BRWD1: variants seen among roughly 807,000 people sequenced by gnomAD.
BRWD1 encodes bromodomain and WD repeat-containing protein 1.
BRWD1 carries 82 observed loss-of-function variants against 251.2 expected under a neutral mutation model. That is an observed-to-expected ratio of 0.33 (90% CI 0.27 to 0.39). The LOEUF (loss-of-function observed/expected upper bound fraction) is 0.39, where lower values mean the gene tolerates loss of function less well. BRWD1 is among the 10% of genes least tolerant of loss of function. The probability of loss-of-function intolerance (pLI) is 1.00; values close to 1 mark genes in which losing one functional copy is unlikely to be tolerated. For missense variants in BRWD1, 2,233 were observed against 2,711.6 expected (o/e 0.82, Z 3.92); for synonymous variants, 918 against 902.8 (o/e 1.02, Z -0.30).
intron 12 of BRWD1, among the ~76,000 whole-genome samples, chr21:39,275,823 G>A (rs1011600131): frequency 1.3e-5 from 2 of 151,938 alleles, no homozygotes; most frequent in Admixed American, 1.3e-4. Context: ...ACCTGAAGTC[G>A]GGAGTTCGAG....
rs562199311 is a variant in BRWD1, at chr21:39,202,232, A to C, written c.4585+93T>G. On this transcript the variant is annotated intron_variant, in intron 38 of 40. Transcript: ENST00000342449. ...TGTAAGTTCTTTCAGTGTCAAGGCC[A>C]CATCTTTATATTTTCCTCTAAATCT... The C allele has an allele frequency of 2.1e-4, 186 of 865,808 alleles. No individual in the cohort carries two copies. In the African/African-American group the frequency reaches 3.0e-3, roughly 14 times the overall value. 53.6% of individuals were successfully genotyped at this position (865,808 alleles called of 1,614,324 possible). A position where few individuals can be genotyped will look rare whatever the true frequency, so the allele number is the denominator to read the frequency against.
upstream of BRWD1, chr21:39,314,082 C>G (rs1020972987): frequency 6.6e-6 from 3 of 455,938 alleles, no homozygotes; most frequent in African/African-American, 6.0e-5. Context: ...TCGGAAGGGT[C>G]ATTTCACGGA....
At chr21:39,289,508 T>C (rs1233288210) in intron 8 of BRWD1, among the ~76,000 whole-genome samples, 2 of 152,184 alleles carry the variant, frequency 1.3e-5, no homozygotes, top group African/African-American at 4.8e-5. Context: ...CATCTCCAAG[T>C]TTCCACCTGG....
In BRWD1 at chr21:39,189,776, A is replaced by G; in HGVS notation, c.*6483T>C. 1.0e-6 allele frequency: 1 copy of G among 984,286 alleles called. No homozygotes were observed. The allele number at this position is 984,286 out of a possible 1,614,324, so 61.0% of individuals were successfully genotyped here. On this transcript the variant is annotated 3_prime_UTR_variant, in exon 41 of 41. Coordinates refer to ENST00000342449, the MANE Select transcript of BRWD1 (RefSeq NM_033656.4). ...TCTCAAGAAAACTACAAACAGTTTT[A>G]GAAATATATATAGGATATTTCAGGG...
chr21:39,302,638 T>C (rs1442047009), intron 4 of BRWD1, among the ~76,000 whole-genome samples: 2 of 151,418 alleles, frequency 1.3e-5, no homozygotes, highest in African/African-American at 4.9e-5. Flanking sequence ...ATGCTTGTAA[T>C]CCCAGCTACT....
At chr21:39,214,753 G>A (rs966682679) in intron 32 of BRWD1, among the ~76,000 whole-genome samples, 1 of 151,502 alleles carries the variant, frequency 6.6e-6, no homozygotes, top group Non-Finnish European at 1.5e-5. Flanking sequence ...TTAAAAAGTT[G>A]AAAAACTGAA....
upstream of BRWD1, chr21:39,314,468 C>T (rs529420134): frequency 1.8e-4 from 68 of 383,238 alleles, 1 homozygote; most frequent in Middle Eastern, 1.1e-3. Context: ...GGGCCGCAGA[C>T]CCTCCTTAGG....
intron 19 of BRWD1, among the ~76,000 whole-genome samples, chr21:39,251,985 G>A (rs374408517): frequency 6.6e-6 from 1 of 152,100 alleles, no homozygotes; most frequent in Non-Finnish European, 1.5e-5. Context: ...ATTTTTATAC[G>A]GCCGGGCGCA....
At chr21:39,206,463 C>CCT (rs577157561) in intron 36 of BRWD1, among the ~76,000 whole-genome samples, 189 bp from the exon 37 acceptor site, 158 of 152,314 alleles carry the variant, frequency 1.0e-3, no homozygotes, top group African/African-American at 3.4e-3. Flanking sequence ...CAAATACATA[C>CCT]CTCTCAGATG....
rs574833823 is a variant in BRWD1 at position 39,279,410 on chromosome 21, G to A, written c.933-597C>T. Among the ~76,000 whole-genome samples the A allele has an allele frequency of 1.5e-3, 234 of 152,164 alleles. 2 individuals are homozygous for A. Among genetic ancestry groups the A allele is most frequent in the Middle Eastern group, 3.4e-3 (1 of 294 alleles). On this transcript the variant is annotated intron_variant, in intron 9 of 40. Transcript: ENST00000342449. ...TCCCAGTACTTTGGGAGGCCAAGGC[G>A]GGTGGATCACCTGAGATCAGGAGTT...
intron 4 of BRWD1, among the ~76,000 whole-genome samples, chr21:39,303,519 CAAAAAAAA>C (rs34013314): frequency 3.3e-3 from 299 of 91,706 alleles, no homozygotes; most frequent in Admixed American, 9.5e-3. Context: ...ACTCCATCTC[CAAAAAAAA>C]AAAAAAAAAA....
At chr21:39,287,806 AAT>A (rs1408594010) in intron 8 of BRWD1, among the ~76,000 whole-genome samples, 1 of 152,214 alleles carries the variant, frequency 6.6e-6, no homozygotes, top group African/African-American at 2.4e-5. Flanking sequence ...CTTCTTGAGA[AAT>A]ACACTTGTGA....
chr21:39,247,702 T>C lies in BRWD1; in HGVS notation c.2480A>G (p.His827Arg), dbSNP rs2034244030. ...SGNESSSSVR[H>R]ETSCDQSEGS... ...AACATTTTAAAGTTTTCCACTCACA[T>C]GTCTTACAGAGCTTGAAGACTCATT... is the stretch of plus-strand genomic sequence containing the variant. The change falls in exon 21 of 41, where the codon CAT becomes CGT. Residue 827 changes from histidine (H) to arginine (R), a missense_variant and splice_region_variant. Around this residue, in one of 12 missense-constraint regions of BRWD1, gnomAD observed 214 missense variants for 222.0 expected, o/e 0.96. Transcript: ENST00000342449. 6.3e-7 allele frequency: 1 copy of C among 1,599,604 alleles called. No homozygotes were observed. Among genetic ancestry groups the C allele is most frequent in the Non-Finnish European group, 8.5e-7 (1 of 1,175,754 alleles).
At chr21:39,290,677 C>T (rs1018151407) in intron 8 of BRWD1, among the ~76,000 whole-genome samples, 1 of 152,098 alleles carries the variant, frequency 6.6e-6, no homozygotes, top group Non-Finnish European at 1.5e-5. Flanking sequence ...TTCTTATTTG[C>T]TGCTATATTG....
chr21:39,198,451 T>C (rs2146458379), intron 40 of BRWD1, among the ~76,000 whole-genome samples: 2 of 152,312 alleles, frequency 1.3e-5, no homozygotes, highest in East Asian at 3.9e-4. Flanking sequence ...CCCTCTCTGC[T>C]TTATTCAAGC....
Position 39,298,510 on chromosome 21 carries a change from T to C in BRWD1, c.271A>G (p.Lys91Glu), listed in dbSNP as rs1484016881. The C allele has an allele frequency of 6.2e-7, 1 of 1,611,410 alleles. No individual in the cohort carries two copies. The highest frequency in any genetic ancestry group is 2.2e-5 in the East Asian group (1 of 44,678). Residue 91 changes from lysine to glutamate, a missense_variant, in exon 5 of 41, where the codon AAA becomes GAA. Lys to Glu is a moderately conservative substitution (Grantham distance 56). Around this residue, in one of 12 missense-constraint regions of BRWD1, gnomAD observed 185 missense variants for 260.6 expected, o/e 0.71. Transcript: ENST00000342449. ...CTTGAAATACTGGGTGGAATTTCTT[T>C]ATCCAACATAGGACCGATGCGCTGG... ...ICQRIGPMLDKEIPPSISRVT... is the reference protein window; with the variant it reads ...ICQRIGPMLDEEIPPSISRVT...
Position 39,198,866 on chromosome 21 carries a change from G to A in BRWD1, c.5550C>T (p.Asn1850=), listed in dbSNP as rs761459277. ...ACTGGGACATAGCAATAGGGTCACA[G>A]TTCAGATTTCCTGAAATTGGGTTCA... is the stretch of plus-strand genomic sequence containing the variant. ...MEMNPISGNL[N]CDPIAMSQCS... is the part of the protein sequence containing the mutation. The change falls in exon 40 of 41, where the codon AAC becomes AAT. Residue 1850 remains asparagine, a synonymous_variant. Coordinates refer to ENST00000342449, the MANE Select transcript of BRWD1 (RefSeq NM_033656.4). 1 of 1,614,088 alleles carries A rather than the reference G, an allele frequency of 6.2e-7. No homozygotes were observed. The highest frequency in any genetic ancestry group is 8.5e-7 in the Non-Finnish European group (1 of 1,179,944).
chr21:39,222,258 C>T (rs1011262812), intron 29 of BRWD1, among the ~76,000 whole-genome samples: 4 of 152,068 alleles, frequency 2.6e-5, no homozygotes, highest in African/African-American at 9.7e-5. Flanking sequence ...CTATTCACCG[C>T]CAAATAATGG....
Position 39,293,875 on chromosome 21 carries a change from C to A in BRWD1, c.767G>T (p.Cys256Phe). 1.2e-6 allele frequency: 2 copies of A among 1,614,180 alleles called. No individual in the cohort carries two copies. Among genetic ancestry groups the A allele is most frequent in the Admixed American group, 3.3e-5 (2 of 60,026 alleles). ...GSCDKIIRVW[C>F]LRTCAPVAVL... ...AGCAACTGGGGCACAAGTTCTCAAGCACCACACTCTAATAATTTTATCACA... is the reference window on the plus strand; with the variant it reads ...AGCAACTGGGGCACAAGTTCTCAAGAACCACACTCTAATAATTTTATCACA... The change falls in exon 8 of 41, where the codon TGC becomes TTC. Residue 256 changes from cysteine to phenylalanine, a missense_variant. Cys to Phe is a radical substitution (Grantham distance 205). Around this residue, in one of 12 missense-constraint regions of BRWD1, gnomAD observed 185 missense variants for 260.6 expected, o/e 0.71. Transcript: ENST00000342449.
Sources: gnomAD v4.1 joint callset for allele counts (sites outside exome capture counted in the v4.1 genomes callset) on GRCh38, gnomAD v4.1.1 for gene constraint, gnomAD v4.1.1 regional missense constraint, MANE v1.5 for transcripts, NCBI Gene and HGNC (gene_info 2026-07-23, HGNC 2026-07-21) for gene names.